Variants in ANO2 observed in about 807,000 individuals in gnomAD.
ANO2 encodes anoctamin-2.
In ANO2, 101 loss-of-function variants were observed where a neutral mutation model predicts 124.2. That is an observed-to-expected ratio of 0.81 (90% confidence interval 0.69 to 0.96). The LOEUF (loss-of-function observed/expected upper bound fraction) is 0.96, where lower values mean the gene tolerates loss of function less well. Ranked by LOEUF, ANO2 falls within the 40% of genes least tolerant of loss-of-function variation. ANO2 has a pLI of 0.00. For missense variants in ANO2, 1,293 were observed against 1,274.5 expected (o/e 1.01, Z -0.22); for synonymous variants, 486 against 482.5 (o/e 1.01, Z -0.09).
At chr12:5,792,340 T>C (rs1005723045) in intron 10 of ANO2, among the ~76,000 whole-genome samples, 1 of 152,204 alleles carries the variant, frequency 6.6e-6, no homozygotes, top group African/African-American at 2.4e-5. Context: ...GTTCTGAGAA[T>C]AGGGAACTCT....
chr12:5,617,788 C>A (rs556346663), intron 16 of ANO2, among the ~76,000 whole-genome samples: 17 of 152,228 alleles, frequency 1.1e-4, no homozygotes, highest in African/African-American at 3.9e-4. Flanking sequence ...GCTCTCTTTC[C>A]GGAAGCGTTA....
At chr12:5,800,787 T>C (rs542818636) in intron 9 of ANO2, among the ~76,000 whole-genome samples, 6 of 152,150 alleles carry the variant, frequency 3.9e-5, no homozygotes, top group Non-Finnish European at 8.8e-5. Flanking sequence ...CAGCTAGATA[T>C]GAAAATCTGA....
chr12:5,667,740 C>A (rs2136982461), intron 14 of ANO2, among the ~76,000 whole-genome samples: 1 of 152,242 alleles, frequency 6.6e-6, no homozygotes, highest in African/African-American at 2.4e-5. Context: ...TGTGTTGCTC[C>A]CCTCCCTGTG....
rs765895134 is a variant in ANO2 at position 5,806,036 on chromosome 12, C to T, written c.990+16G>A. On this transcript the variant is annotated intron_variant, in intron 9 of 24. Coordinates refer to ENST00000682330, the MANE Select transcript of ANO2 (RefSeq NM_001364791.2). ...CGCATGCCCAAAGTCCAGGATGCTG[C>T]ACGAGGCAGGCTTACCTTCCTGTCA... 1.9e-6 allele frequency: 3 copies of T among 1,613,200 alleles called. No homozygotes were observed. The highest frequency in any genetic ancestry group is 2.5e-6 in the Non-Finnish European group (3 of 1,179,552).
chr12:5,611,801 C>T (rs1314823265), intron 19 of ANO2, among the ~76,000 whole-genome samples: 1 of 152,188 alleles, frequency 6.6e-6, no homozygotes, highest in African/African-American at 2.4e-5. Context: ...CTGACGATTA[C>T]ACCCATCCCA....
At chr12:5,802,692 G>T (rs1953078971) in intron 9 of ANO2, among the ~76,000 whole-genome samples, 1 of 152,222 alleles carries the variant, frequency 6.6e-6, no homozygotes, top group Non-Finnish European at 1.5e-5. Flanking sequence ...CTTTAAACTT[G>T]CAGAGTCTAG....
intron 3 of ANO2, among the ~76,000 whole-genome samples, chr12:5,860,201 T>C (rs1955224180): frequency 6.6e-6 from 1 of 152,136 alleles, no homozygotes; most frequent in African/African-American, 2.4e-5. Context: ...CCAACTCCTA[T>C]TTGGGTCTCA....
chr12:5,839,406 T>C (rs1338411626), intron 4 of ANO2, among the ~76,000 whole-genome samples: 1 of 152,098 alleles, frequency 6.6e-6, no homozygotes, highest in African/African-American at 2.4e-5. Context: ...GGGCACTGGG[T>C]AGTGTGCTCA....
At chr12:5,613,020 CAT>C in intron 17 of ANO2, 62 bp from the exon 18 acceptor site, 2 of 1,531,824 alleles carry the variant, frequency 1.3e-6, no homozygotes, top group Non-Finnish European at 1.8e-6. Context: ...GGCTCAAGGA[CAT>C]GTCTTCTGAG....
chr12:5,759,978 G>C (rs1951693457), intron 10 of ANO2, among the ~76,000 whole-genome samples: 1 of 152,132 alleles, frequency 6.6e-6, no homozygotes, highest in African/African-American at 2.4e-5. Flanking sequence ...CAATGAAATA[G>C]AGAGTACCGG....
intron 3 of ANO2, among the ~76,000 whole-genome samples, chr12:5,884,282 A>T (rs1938726018): frequency 6.6e-6 from 1 of 152,214 alleles, no homozygotes. Flanking sequence ...CATTCAAAGG[A>T]CAAGGGCAGC....
intron 7 of ANO2, among the ~76,000 whole-genome samples, chr12:5,820,117 A>G (rs1298224342): frequency 3.3e-5 from 5 of 152,202 alleles, no homozygotes; most frequent in Non-Finnish European, 7.3e-5. Flanking sequence ...TCCGGACTTG[A>G]GCCAGTTTAC....
At chr12:5,781,274 C>T (rs906071322) in intron 10 of ANO2, among the ~76,000 whole-genome samples, 7 of 152,190 alleles carry the variant, frequency 4.6e-5, no homozygotes, top group East Asian at 1.9e-4. Context: ...AGAAATCAGA[C>T]GCATTCAAAT....
intron 14 of ANO2, among the ~76,000 whole-genome samples, chr12:5,721,167 C>A (rs1024098185): frequency 1.3e-4 from 20 of 152,142 alleles, no homozygotes; most frequent in African/African-American, 4.6e-4. Flanking sequence ...GATGAGAAAC[C>A]CTCAGTGCCC....
chr12:5,940,175 T>C (rs1230048606), intron 1 of ANO2, among the ~76,000 whole-genome samples: 1 of 152,214 alleles, frequency 6.6e-6, no homozygotes, highest in Non-Finnish European at 1.5e-5. Context: ...GAATGCCACA[T>C]ATCGATGTTG....
chr12:5,632,414 T>C (rs954295077), intron 16 of ANO2, among the ~76,000 whole-genome samples: 2 of 152,006 alleles, frequency 1.3e-5, no homozygotes, highest in Admixed American at 6.6e-5. Flanking sequence ...TTTGTGAAGA[T>C]GAAATGGAGT....
intron 15 of ANO2, among the ~76,000 whole-genome samples, chr12:5,642,458 C>T (rs1946432504): frequency 6.6e-6 from 1 of 152,116 alleles, no homozygotes; most frequent in Non-Finnish European, 1.5e-5. Context: ...CAGTTTTGTA[C>T]CACATGATCA....
intron 4 of ANO2, among the ~76,000 whole-genome samples, chr12:5,837,457 C>T (rs1954365358): frequency 6.8e-6 from 1 of 146,242 alleles, no homozygotes; most frequent in African/African-American, 2.5e-5. Context: ...AGGTATATCT[C>T]CCGATGCTAT....
intron 16 of ANO2, among the ~76,000 whole-genome samples, chr12:5,627,522 A>G (rs1945477126): frequency 6.6e-6 from 1 of 152,198 alleles, no homozygotes; most frequent in African/African-American, 2.4e-5. Context: ...TCCGCTGCAG[A>G]GAGCAGACCC....
Sources: gnomAD v4.1 joint callset for allele counts (sites outside exome capture counted in the v4.1 genomes callset) on GRCh38, gnomAD v4.1.1 for gene constraint, MANE v1.5 for transcripts, NCBI Gene and HGNC (gene_info 2026-07-23, HGNC 2026-07-21) for gene names.